Variants in MED10 observed in about 807,000 individuals in gnomAD.
The protein encoded by MED10 is mediator complex subunit 10, also known as mediator of RNA polymerase II transcription subunit 10.
MED10 carries 9 observed loss-of-function variants against 17.2 expected under a neutral mutation model. That is an observed-to-expected ratio of 0.52 (90% confidence interval 0.31 to 0.91). MED10 has a LOEUF of 0.91. MED10 is among the 40% of genes least tolerant of loss of function. The pLI, the probability that MED10 is intolerant of heterozygous loss-of-function variation, is 0.04. For synonymous variants in MED10, 66 were observed against 59.8 expected, an observed-to-expected ratio of 1.10 and a Z score of -0.48; for missense variants, 129 against 164.8, an observed-to-expected ratio of 0.78 and a Z score of 1.19.
chr5:6,372,714 C>T (rs1235715714), intron 3 of MED10, 113 bp from the exon 4 acceptor site: 13 of 740,828 alleles, frequency 1.8e-5, no homozygotes, highest in East Asian at 2.7e-5. Context: ...TACAGGGCCA[C>T]GGGACTGACC....
intron 3 of MED10, among the ~76,000 whole-genome samples, chr5:6,372,845 C>T (rs1737915255): frequency 6.6e-6 from 1 of 152,212 alleles, no homozygotes; most frequent in African/African-American, 2.4e-5. Context: ...CCCAAAGGCA[C>T]CAGTGTGACA....
Position 6,374,313 on chromosome 5 carries a change from TAG to T in MED10, c.309+9_309+10del, listed in dbSNP as rs1329633445. The stretch of plus-strand genomic sequence containing the variant: ...TTCCCACTGTATTTCTGACACTCCT[TAG>T]AGTCTTACCTTCATGGTGTCGATCT... On this transcript the variant is annotated intron_variant, in intron 3 of 3. Transcript: ENST00000255764. 6 of 1,588,836 alleles carry T rather than the reference TAG, an allele frequency of 3.8e-6. No individual in the cohort carries two copies. In the African/African-American group the frequency reaches 6.7e-5, roughly 18 times the overall value.
At position 6,372,380 on chromosome 5, in the gene MED10, G is replaced by A; in HGVS notation, c.*123C>T. On this transcript the variant is annotated 3_prime_UTR_variant, in exon 4 of 4. Coordinates refer to ENST00000255764, the MANE Select transcript of MED10 (RefSeq NM_032286.3). ...ATGAGGCCAAACAATGAGGACAGAG[G>A]GGCTGAGGGGTGTGTCCAGGGCCCA... 1 of 751,048 alleles carries A rather than the reference G, an allele frequency of 1.3e-6. No homozygotes were observed. Among genetic ancestry groups the A allele is most frequent in the Non-Finnish European group, 2.3e-6 (1 of 434,984 alleles). The allele number at this position is 751,048 out of a possible 1,614,324, so 46.5% of individuals were successfully genotyped here.
intron 3 of MED10, 106 bp downstream of exon 3, chr5:6,374,218 G>C: frequency 1.3e-6 from 1 of 743,216 alleles, no homozygotes; most frequent in Non-Finnish European, 2.4e-6. Flanking sequence ...GTGAAGTTAT[G>C]AAAGTCAATA....
chr5:6,374,107 G>C (rs868040417), intron 3 of MED10, among the ~76,000 whole-genome samples: 1 of 152,164 alleles, frequency 6.6e-6, no homozygotes, highest in Non-Finnish European at 1.5e-5. Flanking sequence ...AATTACTCTG[G>C]ATTTCCTTAA....
intron 3 of MED10, among the ~76,000 whole-genome samples, chr5:6,373,331 C>T (rs1456937647): frequency 6.6e-6 from 1 of 152,178 alleles, no homozygotes; most frequent in Non-Finnish European, 1.5e-5. Context: ...CACCAGGCAT[C>T]AGTGGGAACA....
chr5:6,375,654 G>A (rs1737974508), intron 2 of MED10, among the ~76,000 whole-genome samples: 1 of 152,162 alleles, frequency 6.6e-6, no homozygotes, highest in Non-Finnish European at 1.5e-5. Flanking sequence ...ACCCACTCCT[G>A]CCCACACACA....
intron 2 of MED10, chr5:6,376,714 C>A (rs1463874974): frequency 6.6e-6 from 1 of 152,436 alleles, no homozygotes; most frequent in African/African-American, 2.4e-5. Context: ...ACTAGCACTC[C>A]ACGGGCAGTT....
chr5:6,372,179 T>A lies in MED10; in HGVS notation c.*324A>T, dbSNP rs1737900453. On this transcript the variant is annotated 3_prime_UTR_variant, in exon 4 of 4. Coordinates refer to ENST00000255764, the MANE Select transcript of MED10 (RefSeq NM_032286.3). The stretch of plus-strand genomic sequence containing the variant: ...TATTAGGTAGAATGTTGTAAAACTT[T>A]TAATTTACCCATCATATTTAACATT... 2 of 251,428 alleles carry A rather than the reference T, an allele frequency of 8.0e-6. No homozygotes were observed. The highest frequency in any genetic ancestry group is 1.2e-4 in the South Asian group (1 of 8,040). 15.6% of individuals were successfully genotyped at this position (251,428 alleles called of 1,614,324 possible). A position where few individuals can be genotyped will look rare whatever the true frequency, so the allele number is the denominator to read the frequency against.
intron 1 of MED10, 49 bp from the exon 2 acceptor site, chr5:6,377,298 C>A: frequency 7.1e-7 from 1 of 1,411,172 alleles, no homozygotes; most frequent in Non-Finnish European, 9.9e-7. Context: ...CGCTTGACAG[C>A]ATAAGCACCA....
chr5:6,374,454 A>G (rs747907447), intron 2 of MED10, 28 bp from the exon 3 acceptor site: 3 of 1,477,498 alleles, frequency 2.0e-6, no homozygotes, highest in Non-Finnish European at 2.8e-6. Flanking sequence ...TTCAATTAGC[A>G]TTCTCATGAC....
At chr5:6,377,396 G>C (rs769299481) in intron 1 of MED10, 147 bp from the exon 2 acceptor site, 4 of 447,702 alleles carry the variant, frequency 8.9e-6, no homozygotes, top group Admixed American at 4.2e-5. Context: ...GACCTCTTTG[G>C]TTAGCTACAG....
chr5:6,372,712 C>T (rs1442822557), intron 3 of MED10, 111 bp from the exon 4 acceptor site: 4 of 783,914 alleles, frequency 5.1e-6, no homozygotes, highest in Non-Finnish European at 8.5e-6. Flanking sequence ...AATACAGGGC[C>T]ACGGGACTGA....
intron 1 of MED10, 46 bp from the exon 2 acceptor site, chr5:6,377,295 C>A: frequency 6.9e-7 from 1 of 1,444,434 alleles, no homozygotes; most frequent in Non-Finnish European, 9.6e-7. Context: ...TTTCGCTTGA[C>A]AGCATAAGCA....
intron 1 of MED10, 92 bp downstream of exon 1, chr5:6,378,270 C>T (rs1738042318): frequency 1.4e-6 from 2 of 1,434,562 alleles, no homozygotes; most frequent in Admixed American, 2.4e-5. Context: ...AGCGGTCAGG[C>T]TCGGCTCGGG....
intron 2 of MED10, among the ~76,000 whole-genome samples, chr5:6,376,222 C>T (rs1737984921): frequency 6.6e-6 from 1 of 152,240 alleles, no homozygotes; most frequent in Non-Finnish European, 1.5e-5. Context: ...TCTTTGTAGG[C>T]AGCTGCTGCA....
chr5:6,376,972 AT>A, intron 2 of MED10, 193 bp downstream of exon 2: 1 of 422,172 alleles, frequency 2.4e-6, no homozygotes, highest in African/African-American at 2.0e-5. Context: ...TTGTAATGCC[AT>A]TAGAACGGAA....
In MED10 at chr5:6,372,337, C is replaced by T. The variant is rs1344650065; in HGVS notation, c.*166G>A. ...CAGCTGGGGCACAGCTCCGCCTCTC[C>T]TCCAGCCCCTCGGTCCCATGAGGCC... is the stretch of plus-strand genomic sequence containing the variant. On this transcript the variant is annotated 3_prime_UTR_variant, in exon 4 of 4. Transcript: ENST00000255764. 2 of 606,342 alleles carry T rather than the reference C, an allele frequency of 3.3e-6. No homozygotes were observed. Among genetic ancestry groups the T allele is most frequent in the Admixed American group, 3.1e-5 (1 of 32,766 alleles). 37.6% of individuals were successfully genotyped at this position (606,342 alleles called of 1,614,324 possible). A position where few individuals can be genotyped will look rare whatever the true frequency, so the allele number is the denominator to read the frequency against.
rs115385688 is a variant in MED10, at chr5:6,372,775, C to T, written c.310-174G>A. Among the ~76,000 whole-genome samples, 1,010 of 152,148 alleles carry T rather than the reference C, an allele frequency of 6.6e-3. 1 individual carries two copies. The highest frequency in any genetic ancestry group is 0.02 in the Middle Eastern group (6 of 294). On this transcript the variant is annotated intron_variant, in intron 3 of 3. Transcript: ENST00000255764. ...GAAATGACACCAATAGCAACATATG[C>T]AAAAGGAAGCGACACTGCACAGCCC...
Sources: gnomAD v4.1 joint callset for allele counts (sites outside exome capture counted in the v4.1 genomes callset) on GRCh38, gnomAD v4.1.1 for gene constraint, MANE v1.5 for transcripts, NCBI Gene and HGNC (gene_info 2026-07-23, HGNC 2026-07-21) for gene names.